The following GLIS1 variants were observed in gnomAD, a reference collection of about 807,000 sequenced individuals.
GLIS1 encodes the protein GLIS family zinc finger 1, also known as zinc finger protein GLIS1.
Under a neutral mutation model 63.8 loss-of-function variants are expected in GLIS1, and 24 were observed. That is an observed-to-expected ratio of 0.38 (90% CI 0.27 to 0.53). The LOEUF (loss-of-function observed/expected upper bound fraction) is 0.53. GLIS1 is among the 20% of genes least tolerant of loss of function. The pLI is 0.85. For synonymous variants in GLIS1, 450 were observed against 482.5 expected (o/e 0.93, Z 0.88); for missense variants, 1,036 against 1,074.1 (o/e 0.96, Z 0.50).
At chr1:53,735,401 C>A (rs1175014993) in intron 2 of GLIS1, among the ~76,000 whole-genome samples, 2 of 152,210 alleles carry the variant, frequency 1.3e-5, no homozygotes, top group South Asian at 2.1e-4. Context: ...ATTTACCCTG[C>A]AAGGTAGGCA....
intron 2 of GLIS1, among the ~76,000 whole-genome samples, chr1:53,653,253 G>A (rs1010790894): frequency 6.6e-6 from 1 of 152,232 alleles, no homozygotes; most frequent in Non-Finnish European, 1.5e-5. Flanking sequence ...GAAGCAGATG[G>A]ATGGACATAT....
At chr1:53,555,517 G>A (rs1204405857) in intron 4 of GLIS1, among the ~76,000 whole-genome samples, 1 of 152,124 alleles carries the variant, frequency 6.6e-6, no homozygotes, top group African/African-American at 2.4e-5. Context: ...GAGATAGAGT[G>A]AGACTCTGTC....
chr1:53,541,721 G>C (rs1333894455), intron 4 of GLIS1, among the ~76,000 whole-genome samples: 1 of 152,256 alleles, frequency 6.6e-6, no homozygotes, highest in Non-Finnish European at 1.5e-5. Flanking sequence ...AACCCATCCG[G>C]TGGCCAAGTG....
At chr1:53,645,256 G>C (rs965486992) in intron 2 of GLIS1, among the ~76,000 whole-genome samples, 1 of 152,028 alleles carries the variant, frequency 6.6e-6, no homozygotes, top group Non-Finnish European at 1.5e-5. Context: ...TTTCCTGGTC[G>C]TGCTATTCCA....
chr1:53,704,852 G>A lies in GLIS1; in HGVS notation c.259+32954C>T, dbSNP rs573500436. Reference sequence around the variant, plus strand: ...AACTGCTCTCTGTAACCCTCCACATGAGGCATGATGGTTGTTAGCATCACT... The same window carrying A: ...AACTGCTCTCTGTAACCCTCCACATAAGGCATGATGGTTGTTAGCATCACT... On this transcript the variant is annotated intron_variant, in intron 2 of 10. Coordinates refer to ENST00000628545, the MANE Select transcript of GLIS1 (RefSeq NM_001367484.1). Among the ~76,000 whole-genome samples, 6 of 152,334 alleles carry A rather than the reference G, an allele frequency of 3.9e-5. No homozygotes were observed. The East Asian group carries it at 1.2e-3, about 29-fold the overall frequency.
intron 2 of GLIS1, among the ~76,000 whole-genome samples, chr1:53,671,936 C>A (rs918204234): frequency 6.6e-6 from 1 of 152,164 alleles, no homozygotes; most frequent in Non-Finnish European, 1.5e-5. Flanking sequence ...TATTTATTAA[C>A]AAGAATTGAC....
At chr1:53,679,066 G>A (rs1169625995) in intron 2 of GLIS1, among the ~76,000 whole-genome samples, 4 of 152,310 alleles carry the variant, frequency 2.6e-5, no homozygotes, top group Admixed American at 6.5e-5. Context: ...AGTTGGGCTC[G>A]TGGCCACTGC....
In GLIS1 at chr1:53,646,998, AAGGG is replaced by A. The variant is rs948234745; in HGVS notation, c.260-46724_260-46721del. On this transcript the variant is annotated intron_variant, in intron 2 of 10. Coordinates refer to ENST00000628545, the MANE Select transcript of GLIS1 (RefSeq NM_001367484.1). This position sits in a 1 kb window ranked among gnomAD's most constrained non-coding sequence, Gnocchi z 4.2. ...AGGAAGGAAAGGAAGGAAAGGAAGGAAGGGAGGGATGAAGGAAAAGAAAATTGAG... is the reference window on the plus strand; with the variant it reads ...AGGAAGGAAAGGAAGGAAAGGAAGGAAGGGATGAAGGAAAAGAAAATTGAG... 2.0e-5 allele frequency among the ~76,000 whole-genome samples: 3 copies of A among 150,940 alleles called. No individual in the cohort carries two copies. Among genetic ancestry groups the A allele is most frequent in the Non-Finnish European group, 4.4e-5 (3 of 67,756 alleles).
In GLIS1 at chr1:53,509,169, G is replaced by A. The variant is rs1468294701; in HGVS notation, c.2181C>T (p.Pro727=). 3 of 1,600,858 alleles carry A rather than the reference G, an allele frequency of 1.9e-6. No homozygotes were observed. Among genetic ancestry groups the A allele is most frequent in the African/African-American group, 1.3e-5 (1 of 74,752 alleles). The change falls in exon 10 of 11, where the codon CCC becomes CCT. Residue 727 remains proline, a synonymous_variant. Coordinates refer to ENST00000628545, the MANE Select transcript of GLIS1 (RefSeq NM_001367484.1). ...GGCTGTGGTAGCCATTGGGCCGCAGGGGGTTGAAACCGTGGGTCTCCCCGA... is the reference window on the plus strand; with the variant it reads ...GGCTGTGGTAGCCATTGGGCCGCAGAGGGTTGAAACCGTGGGTCTCCCCGA... The part of the protein sequence containing the change: ...GLVGETHGFN[P]LRPNGYHSLS...
Position 53,600,114 on chromosome 1 carries a change from G to T in GLIS1, c.424C>A (p.Pro142Thr). 1 of 1,230,948 alleles carries T rather than the reference G, an allele frequency of 8.1e-7. No individual in the cohort carries two copies. Among genetic ancestry groups the T allele is most frequent in the Non-Finnish European group, 1.0e-6 (1 of 986,814 alleles). The allele number at this position is 1,230,948 out of a possible 1,614,324, so 76.3% of individuals were successfully genotyped here. A position where few individuals can be genotyped will look rare whatever the true frequency, so the allele number is the denominator to read the frequency against. The change falls in exon 3 of 11, where the codon CCC (proline) becomes ACC (threonine). Residue 142 changes from proline to threonine, a missense_variant. This residue lies in a region of GLIS1 where 592 missense variants were observed against 593.9 expected (regional missense o/e 1.00). Transcript: ENST00000628545. Reference sequence around the variant, plus strand: ...GCCCACACCTACCTGTCAGGGTGGGGGAAATGCAGCAGCCTCTCACAAGCT... The same window carrying T: ...GCCCACACCTACCTGTCAGGGTGGGTGAAATGCAGCAGCCTCTCACAAGCT... ...PQACERLLHF[P>T]HPDRSPRPQA...
intron 6 of GLIS1, among the ~76,000 whole-genome samples, chr1:53,521,199 C>T (rs1304997352): frequency 1.3e-5 from 2 of 152,204 alleles, no homozygotes; most frequent in Admixed American, 1.3e-4. Flanking sequence ...GGGCCTGCCA[C>T]ACTCAGTCAT....
intron 2 of GLIS1, among the ~76,000 whole-genome samples, chr1:53,724,900 T>C (rs1352670468): frequency 6.6e-6 from 1 of 151,900 alleles, no homozygotes; most frequent in Non-Finnish European, 1.5e-5. Flanking sequence ...TGTAGGATAA[T>C]GAAAAAAAAT....
At chr1:53,564,711 T>A (rs1644922460) in intron 4 of GLIS1, among the ~76,000 whole-genome samples, 2 of 152,172 alleles carry the variant, frequency 1.3e-5, no homozygotes, top group East Asian at 3.9e-4. Context: ...CACATTAATA[T>A]TAGATAAAAT....
chr1:53,566,662 C>T (rs1161867002), intron 4 of GLIS1, among the ~76,000 whole-genome samples: 3 of 152,126 alleles, frequency 2.0e-5, no homozygotes, highest in East Asian at 3.8e-4. Flanking sequence ...GGGTAGATTT[C>T]CCCCTTGCTG....
chr1:53,509,798 C>G (rs1224144266), intron 9 of GLIS1, 51 bp downstream of exon 9: 2 of 1,140,486 alleles, frequency 1.8e-6, no homozygotes, highest in East Asian at 6.0e-5. Context: ...TCTGGGGTCC[C>G]TAAGTGGGAA....
chr1:53,738,209 C>T, intron 1 of GLIS1, 103 bp from the exon 2 acceptor site: 1 of 631,454 alleles, frequency 1.6e-6, no homozygotes, highest in Non-Finnish European at 2.3e-6. Flanking sequence ...GTGGATTGCG[C>T]GTCTTTAACA....
At position 53,656,488 on chromosome 1, in the gene GLIS1, T is replaced by C. The variant is rs551184411; in HGVS notation, c.260-56210A>G. ...GTGAGAAAATTCAATTGAACACAGA[T>C]GGCAGGAAATTCCTCTAAAATGACA... On this transcript the variant is annotated intron_variant, in intron 2 of 10. Coordinates refer to ENST00000628545, the MANE Select transcript of GLIS1 (RefSeq NM_001367484.1). Among the ~76,000 whole-genome samples, 8 of 152,324 alleles carry C rather than the reference T, an allele frequency of 5.3e-5. No homozygotes were observed. In the South Asian group the frequency reaches 1.0e-3, roughly 20 times the overall value.
chr1:53,715,501 C>T (rs114189504), intron 2 of GLIS1, among the ~76,000 whole-genome samples: 4 of 152,292 alleles, frequency 2.6e-5, no homozygotes, highest in Admixed American at 6.5e-5. Context: ...TTCAAAGTGA[C>T]GCTGTCGAAT....
chr1:53,696,879 T>C (rs1646470605), intron 2 of GLIS1, among the ~76,000 whole-genome samples: 1 of 152,228 alleles, frequency 6.6e-6, no homozygotes, highest in Non-Finnish European at 1.5e-5. Flanking sequence ...CTTAAAGACT[T>C]TCGCCTTTCA....
Sources: gnomAD v4.1 joint callset for allele counts (sites outside exome capture counted in the v4.1 genomes callset) on GRCh38, gnomAD v4.1.1 for gene constraint, gnomAD v4.1.1 regional missense constraint, Gnocchi (gnomAD v3.1) non-coding constraint, MANE v1.5 for transcripts, NCBI Gene and HGNC (gene_info 2026-07-23, HGNC 2026-07-21) for gene names.